Variants in CLASP2 observed in about 807,000 individuals in gnomAD.
The protein encoded by CLASP2 is cytoplasmic linker associated protein 2.
In CLASP2, 47 loss-of-function variants were observed where a neutral mutation model predicts 194.4. That is an observed-to-expected ratio of 0.24 (90% CI 0.19 to 0.31). The LOEUF (loss-of-function observed/expected upper bound fraction) is 0.31, where lower values mean the gene tolerates loss of function less well. Ranked by LOEUF, CLASP2 falls within the 10% of genes least tolerant of loss-of-function variation. CLASP2 has a pLI of 1.00. For missense variants in CLASP2, 1,445 were observed against 1,823.6 expected (o/e 0.79, Z 3.78); for synonymous variants, 619 against 633.5 (o/e 0.98, Z 0.34).
chr3:33,572,752 C>G (rs2064035472), intron 25 of CLASP2, among the ~76,000 whole-genome samples: 1 of 152,018 alleles, frequency 6.6e-6, no homozygotes, highest in Non-Finnish European at 1.5e-5. Flanking sequence ...TTCTTCTTCT[C>G]ATTGAAAAAC....
At chr3:33,647,628 C>T (rs1288635340) in intron 7 of CLASP2, among the ~76,000 whole-genome samples, 1 of 152,164 alleles carries the variant, frequency 6.6e-6, no homozygotes, top group Non-Finnish European at 1.5e-5. Context: ...AATATGTAAA[C>T]AAACGAGTGC....
At chr3:33,579,374 T>G (rs952826393) in intron 23 of CLASP2, among the ~76,000 whole-genome samples, 2 of 152,240 alleles carry the variant, frequency 1.3e-5, no homozygotes, top group Non-Finnish European at 2.9e-5. Flanking sequence ...CAGTAATTAG[T>G]AGTAGATTAT....
At position 33,671,411 on chromosome 3, in the gene CLASP2, T is replaced by C. The variant is rs546634100; in HGVS notation, c.645-7896A>G. On this transcript the variant is annotated intron_variant, in intron 6 of 38. Coordinates refer to ENST00000682230, the MANE Select transcript of CLASP2 (RefSeq NM_001365631.1). ...GAACCAGATCCAGTTATGGAAGATATGTTGGAATTACCAGACCAGGAATTT... is the reference window on the plus strand; with the variant it reads ...GAACCAGATCCAGTTATGGAAGATACGTTGGAATTACCAGACCAGGAATTT... Among the ~76,000 whole-genome samples the C allele has an allele frequency of 9.8e-5, 15 of 152,288 alleles. No individual in the cohort carries two copies. In the South Asian group the frequency reaches 1.9e-3, roughly 19 times the overall value.
At chr3:33,506,940 CTTT>C (rs138932642) in intron 37 of CLASP2, among the ~76,000 whole-genome samples, 1 of 138,974 alleles carries the variant, frequency 7.2e-6, no homozygotes. Context: ...TGATTAGATT[CTTT>C]TTTTTTTTTT....
At chr3:33,614,752 C>T (rs913725841) in intron 12 of CLASP2, among the ~76,000 whole-genome samples, 1 of 152,116 alleles carries the variant, frequency 6.6e-6, no homozygotes, top group African/African-American at 2.4e-5. Context: ...TCCCAAAGTG[C>T]TGGGATTACA....
Position 33,533,277 on chromosome 3 carries a change from T to C in CLASP2, c.3787+1956A>G, listed in dbSNP as rs1266118724. The stretch of plus-strand genomic sequence containing the variant: ...CCTCAGAAAGACAGTCAACTATTTG[T>C]GACAGATTAAAACACATCAAAGTCT... On this transcript the variant is annotated intron_variant, in intron 34 of 38. Coordinates refer to ENST00000682230, the MANE Select transcript of CLASP2 (RefSeq NM_001365631.1). Among the ~76,000 whole-genome samples the C allele has an allele frequency of 2.0e-5, 3 of 152,210 alleles. No individual in the cohort carries two copies. The East Asian group carries it at 5.8e-4, about 29-fold the overall frequency.
chr3:33,617,232 A>G (rs558443919), intron 12 of CLASP2, among the ~76,000 whole-genome samples: 2 of 152,200 alleles, frequency 1.3e-5, no homozygotes, highest in East Asian at 1.9e-4. Flanking sequence ...TTAGGAATAA[A>G]CTTACTTTTT....
At chr3:33,670,550 CT>C (rs1181397978) in intron 6 of CLASP2, among the ~76,000 whole-genome samples, 1 of 152,204 alleles carries the variant, frequency 6.6e-6, no homozygotes, top group Non-Finnish European at 1.5e-5. Flanking sequence ...ATCAACAACT[CT>C]TCTTAGATCT....
intron 34 of CLASP2, among the ~76,000 whole-genome samples, chr3:33,530,413 T>C (rs186433545): frequency 6.6e-6 from 1 of 152,224 alleles, no homozygotes; most frequent in East Asian, 1.9e-4. Context: ...GAGGCTGCAA[T>C]GAACCAAGAT....
intron 30 of CLASP2, among the ~76,000 whole-genome samples, chr3:33,550,655 A>T (rs1335000407): frequency 1.3e-5 from 2 of 152,112 alleles, no homozygotes; most frequent in Non-Finnish European, 2.9e-5. Flanking sequence ...TTAAAAAAAA[A>T]AAGTAGGCAA....
At chr3:33,562,151 TG>T (rs1157303472) in intron 27 of CLASP2, among the ~76,000 whole-genome samples, 4 of 152,226 alleles carry the variant, frequency 2.6e-5, no homozygotes, top group Admixed American at 2.0e-4. Context: ...CTTAAGACGC[TG>T]TATACCTGTA....
chr3:33,641,253 T>C (rs2081226422), intron 8 of CLASP2, among the ~76,000 whole-genome samples: 1 of 151,960 alleles, frequency 6.6e-6, no homozygotes, highest in Non-Finnish European at 1.5e-5. Flanking sequence ...ATAAATATTT[T>C]AAATAATCAG....
At chr3:33,577,543 C>T (rs1035288545) in intron 23 of CLASP2, among the ~76,000 whole-genome samples, 7 of 151,826 alleles carry the variant, frequency 4.6e-5, no homozygotes, top group African/African-American at 1.2e-4. Flanking sequence ...AACAAAAAAA[C>T]GAACATTATA....
chr3:33,548,770 T>C lies in CLASP2; in HGVS notation c.3153+2482A>G, dbSNP rs1223065334. On this transcript the variant is annotated intron_variant, in intron 30 of 38. Transcript: ENST00000682230. The stretch of plus-strand genomic sequence containing the variant: ...ACGACTACGGTTTCATTTCTTTTTT[T>C]TTTTTTTTTTTTTTTTGAGTTGGGA... Among the ~76,000 whole-genome samples the C allele has an allele frequency of 5.5e-3, 781 of 143,002 alleles. 1 individual carries two copies. The highest frequency in any genetic ancestry group is 0.01 in the African/African-American group (388 of 38,492). The allele number at this position is 143,002 out of a possible 152,430, so 93.8% of individuals were successfully genotyped here. A position where few individuals can be genotyped will look rare whatever the true frequency, so the allele number is the denominator to read the frequency against.
chr3:33,672,275 T>C (rs2087443713), intron 6 of CLASP2, among the ~76,000 whole-genome samples: 1 of 152,188 alleles, frequency 6.6e-6, no homozygotes, highest in Non-Finnish European at 1.5e-5. Flanking sequence ...GACAGCAGCA[T>C]TCGCGGTTCA....
chr3:33,560,039 A>G (rs952177321), intron 28 of CLASP2, among the ~76,000 whole-genome samples: 4 of 152,228 alleles, frequency 2.6e-5, no homozygotes, highest in African/African-American at 9.6e-5. Context: ...ACTCACCTCA[A>G]CCTAGTAAAC....
chr3:33,636,337 A>T (rs1456823879), intron 8 of CLASP2, among the ~76,000 whole-genome samples: 1 of 152,140 alleles, frequency 6.6e-6, no homozygotes, highest in Non-Finnish European at 1.5e-5. Flanking sequence ...ATATATCATC[A>T]TAAACAAAAT....
chr3:33,542,313 T>C (rs183898181), intron 32 of CLASP2, among the ~76,000 whole-genome samples: 47 of 148,812 alleles, frequency 3.2e-4, no homozygotes, highest in African/African-American at 1.1e-3. Context: ...TTATTATATA[T>C]GTTTATATAT....
At chr3:33,613,618 G>A (rs575784220) in intron 12 of CLASP2, among the ~76,000 whole-genome samples, 2 of 152,340 alleles carry the variant, frequency 1.3e-5, no homozygotes, top group South Asian at 4.1e-4. Context: ...ACTTGAAGCT[G>A]TTGAAGATGA....
Sources: allele counts gnomAD v4.1 joint callset (sites outside exome capture counted in the v4.1 genomes callset), GRCh38; gene constraint gnomAD v4.1.1; transcripts MANE v1.5; gene names NCBI Gene and HGNC (gene_info 2026-07-23, HGNC 2026-07-21).